The following GPR89B variants were observed in gnomAD, a reference collection of about 807,000 sequenced individuals.
The protein encoded by GPR89B is G protein-coupled receptor 89B.
In GPR89B, 25 loss-of-function variants were observed where a neutral mutation model predicts 52.4. The ratio of observed to expected loss-of-function variants is 0.48; its 90% confidence interval spans 0.35 to 0.67. The LOEUF (loss-of-function observed/expected upper bound fraction) is 0.67, where lower values mean the gene tolerates loss of function less well. GPR89B is among the 30% of genes least tolerant of loss of function. The pLI, the probability that GPR89B is intolerant of heterozygous loss-of-function variation, is 0.01. For missense variants in GPR89B, 146 were observed against 450.2 expected (o/e 0.32, Z 6.11); for synonymous variants, 52 against 151.2 (o/e 0.34, Z 4.81).
the GPR89B span, among the ~76,000 whole-genome samples, chr1:148,021,670 T>C: frequency 1.3e-5 from 2 of 151,584 alleles, no homozygotes; most frequent in African/African-American, 4.9e-5. Flanking sequence ...CTCGGCAAAA[T>C]GAAGAATGGG....
At chr1:147,959,389 C>A (rs1656370431) in intron 7 of GPR89B, among the ~76,000 whole-genome samples, 1 of 152,056 alleles carries the variant, frequency 6.6e-6, no homozygotes, top group Admixed American at 6.5e-5. Flanking sequence ...TTAAGCAATT[C>A]TTTCTACAGA....
At chr1:147,930,533 T>C (rs1195343614) in intron 1 of GPR89B, among the ~76,000 whole-genome samples, 2 of 152,084 alleles carry the variant, frequency 1.3e-5, no homozygotes, top group Non-Finnish European at 2.9e-5. Context: ...ATAGTAGAGT[T>C]GTAGTGAATA....
chr1:148,011,627 TGGAGATGAGGGGAGCAGC>T, the GPR89B span: 6 of 151,846 alleles, frequency 4.0e-5, no homozygotes, highest in South Asian at 2.1e-4. Context: ...AGGGGAGCAG[TGGAGATGAGGGGAGCAGC>T]GGAGACAGAG....
chr1:148,014,188 G>C, the GPR89B span, among the ~76,000 whole-genome samples: 15 of 151,526 alleles, frequency 9.9e-5, no homozygotes, highest in South Asian at 4.2e-4. Flanking sequence ...AAGAGCCGCC[G>C]TTGCAGGCGG....
At chr1:147,980,332 AT>A (rs1275881712) in intron 10 of GPR89B, among the ~76,000 whole-genome samples, 1 of 122,204 alleles carries the variant, frequency 8.2e-6, no homozygotes, top group Non-Finnish European at 1.6e-5. Flanking sequence ...TTGCAGGAAG[AT>A]TTTTTTAAAC....
the GPR89B span, among the ~76,000 whole-genome samples, chr1:148,016,747 A>AAAAT: frequency 1.3e-5 from 2 of 151,786 alleles, no homozygotes; most frequent in African/African-American, 4.9e-5. Context: ...ACAAAGAAAG[A>AAAAT]AAATAAATGC....
chr1:147,940,212 G>T (rs1654439149), intron 3 of GPR89B, among the ~76,000 whole-genome samples: 1 of 151,888 alleles, frequency 6.6e-6, no homozygotes, highest in South Asian at 2.1e-4. Flanking sequence ...GACCATCCTG[G>T]CTAACATGGT....
chr1:147,989,702 ATAG>A (rs1658918016), intron 12 of GPR89B, among the ~76,000 whole-genome samples: 1 of 151,630 alleles, frequency 6.6e-6, no homozygotes, highest in Non-Finnish European at 1.5e-5. Context: ...TGTCCTTGCG[ATAG>A]TTTGCTGAGA....
the GPR89B span, among the ~76,000 whole-genome samples, chr1:148,001,746 T>A: frequency 1.3e-5 from 2 of 150,114 alleles, no homozygotes; most frequent in African/African-American, 4.9e-5. Context: ...AATGAAGGGG[T>A]CTTAACGAAA....
intron 10 of GPR89B, among the ~76,000 whole-genome samples, chr1:147,977,258 A>C (rs1201903386): frequency 3.3e-5 from 5 of 150,454 alleles, no homozygotes; most frequent in East Asian, 1.9e-4. Flanking sequence ...AAAAAAAAAA[A>C]AAAACAGAAT....
chr1:148,011,019 A>T, the GPR89B span: 1 of 151,996 alleles, frequency 6.6e-6, no homozygotes, highest in Non-Finnish European at 1.5e-5. Context: ...CCTTCCAGAG[A>T]CTCTTCAAAA....
the GPR89B span, among the ~76,000 whole-genome samples, chr1:148,017,872 T>C: frequency 1.4e-5 from 2 of 147,868 alleles, no homozygotes; most frequent in African/African-American, 2.5e-5. Context: ...AAAGAGCATA[T>C]GCTAAACTCC....
chr1:148,015,614 TTC>T, the GPR89B span, among the ~76,000 whole-genome samples: 3 of 143,310 alleles, frequency 2.1e-5, no homozygotes, highest in Non-Finnish European at 3.1e-5. Context: ...GCGCCCGGCC[TTC>T]TCTCTATTTT....
intron 10 of GPR89B, among the ~76,000 whole-genome samples, chr1:147,981,431 G>A (rs1475318509): frequency 1.4e-5 from 2 of 146,816 alleles, no homozygotes; most frequent in African/African-American, 2.6e-5. Flanking sequence ...TTGAGCCTGG[G>A]AAGTTGAAGC....
intron 3 of GPR89B, 58 bp downstream of exon 3, chr1:147,938,875 G>A (rs1654316587): frequency 6.5e-7 from 1 of 1,542,232 alleles, no homozygotes; most frequent in East Asian, 2.3e-5. Context: ...TCTTTACAGT[G>A]GAAAAGCTAT....
At chr1:147,939,572 C>A (rs1654372675) in intron 3 of GPR89B, among the ~76,000 whole-genome samples, 1 of 152,036 alleles carries the variant, frequency 6.6e-6, no homozygotes, top group Non-Finnish European at 1.5e-5. Flanking sequence ...TCATTATAGA[C>A]CCCTGGCACT....
chr1:147,956,467 A>C lies in GPR89B; in HGVS notation c.617+2065A>C, dbSNP rs1360325002. Among the ~76,000 whole-genome samples, 561 of 152,216 alleles carry C rather than the reference A, an allele frequency of 3.7e-3. 3 individuals are homozygous for C. The highest frequency in any genetic ancestry group is 0.013 in the African/African-American group (530 of 41,506). ...TTTTGATAGGGATTACATTAAATCT[A>C]TAGATTGCTTTAGGTAGTATGGATG... On this transcript the variant is annotated intron_variant, in intron 7 of 13. Coordinates refer to ENST00000314163, the MANE Select transcript of GPR89B (RefSeq NM_016334.5).
the GPR89B span, among the ~76,000 whole-genome samples, chr1:148,001,681 A>G: frequency 3.3e-5 from 5 of 150,584 alleles, no homozygotes; most frequent in Non-Finnish European, 5.9e-5. Flanking sequence ...TAAGCACACT[A>G]TCTAGGCTCG....
downstream of GPR89B, chr1:147,994,240 T>C (rs1659258273): frequency 3.7e-6 from 6 of 1,602,098 alleles, no homozygotes; most frequent in Non-Finnish European, 4.3e-6. Flanking sequence ...TGAGAAAGGA[T>C]TCCTATTAAA....
Sources: allele counts gnomAD v4.1 joint callset (sites outside exome capture counted in the v4.1 genomes callset), GRCh38; gene constraint gnomAD v4.1.1; transcripts MANE v1.5; gene names NCBI Gene and HGNC (gene_info 2026-07-23, HGNC 2026-07-21).